Variants in STK3 observed in about 807,000 individuals in gnomAD.
STK3 encodes serine/threonine-protein kinase 3.
STK3 carries 41 observed loss-of-function variants against 58.0 expected under a neutral mutation model. That is an observed-to-expected ratio of 0.71 (90% CI 0.55 to 0.92). The LOEUF is 0.92. Ranked by LOEUF, STK3 falls within the 40% of genes least tolerant of loss-of-function variation. STK3 has a pLI of 0.00. For synonymous variants in STK3, 170 were observed against 191.0 expected, an observed-to-expected ratio of 0.89 and a Z score of 0.91; for missense variants, 479 against 602.7, an observed-to-expected ratio of 0.79 and a Z score of 2.15.
intron 1 of STK3, among the ~76,000 whole-genome samples, chr8:98,927,517 GC>G (rs1839846335): frequency 6.6e-6 from 1 of 152,194 alleles, no homozygotes; most frequent in African/African-American, 2.4e-5. Context: ...CTTACCCTGT[GC>G]TGGGAACAGT....
At chr8:98,862,539 A>C (rs972606583) in intron 3 of STK3, among the ~76,000 whole-genome samples, 2 of 152,248 alleles carry the variant, frequency 1.3e-5, no homozygotes, top group African/African-American at 2.4e-5. Context: ...GTCTAGGTTC[A>C]CATCAATTGT....
upstream of STK3, among the ~76,000 whole-genome samples, chr8:98,829,266 C>G (rs183489100): frequency 1.3e-5 from 2 of 152,296 alleles, no homozygotes; most frequent in Admixed American, 6.5e-5. Flanking sequence ...AGTATCATGG[C>G]TGCTCTGCTA....
intron 9 of STK3, among the ~76,000 whole-genome samples, chr8:98,542,983 A>G (rs1029029060): frequency 1.3e-5 from 2 of 152,212 alleles, no homozygotes; most frequent in East Asian, 1.9e-4. Flanking sequence ...TATCAAAAAT[A>G]CAGTGGGAAA....
chr8:98,820,860 C>T (rs1020871647), intron 1 of STK3, among the ~76,000 whole-genome samples: 1 of 152,114 alleles, frequency 6.6e-6, no homozygotes. Context: ...CGCCTGCAGT[C>T]CCAGCTACTC....
chr8:98,532,939 A>AT (rs1383396262), intron 9 of STK3, among the ~76,000 whole-genome samples: 2 of 151,998 alleles, frequency 1.3e-5, no homozygotes, highest in East Asian at 1.9e-4. Context: ...TTAAAGTGGT[A>AT]TTTTTTTGTT....
At chr8:98,699,381 C>A (rs1338681707) in intron 6 of STK3, among the ~76,000 whole-genome samples, 1 of 152,242 alleles carries the variant, frequency 6.6e-6, no homozygotes, top group African/African-American at 2.4e-5. Flanking sequence ...CATTCTCCGT[C>A]CAGCTTTGTT....
At chr8:98,688,346 C>G (rs911106810) in intron 6 of STK3, among the ~76,000 whole-genome samples, 1 of 152,158 alleles carries the variant, frequency 6.6e-6, no homozygotes, top group Non-Finnish European at 1.5e-5. Context: ...AACCCACTGA[C>G]AGCATTAGAC....
chr8:98,711,602 T>C (rs1377794977), intron 4 of STK3, among the ~76,000 whole-genome samples: 1 of 151,974 alleles, frequency 6.6e-6, no homozygotes, highest in East Asian at 1.9e-4. Context: ...TAAAAAGAAA[T>C]GAACAAAGCC....
At chr8:98,883,754 C>T (rs756505310) in exon 2 of STK3, 12 of 702,746 alleles carry the variant, frequency 1.7e-5, no homozygotes, top group East Asian at 5.4e-5. Context: ...TGAGTTGTAA[C>T]ATTTCCTCCA....
At chr8:98,497,436 A>T (rs1225185176) in intron 10 of STK3, among the ~76,000 whole-genome samples, 1 of 152,148 alleles carries the variant, frequency 6.6e-6, no homozygotes, top group Non-Finnish European at 1.5e-5. Context: ...AAAAAAAAGA[A>T]AAAAGGAAAC....
chr8:98,344,633 C>T, the STK3 span, among the ~76,000 whole-genome samples: 1 of 152,060 alleles, frequency 6.6e-6, no homozygotes, highest in Non-Finnish European at 1.5e-5. Flanking sequence ...GTGGCTCACG[C>T]CTGTAATCCC....
chr8:98,498,646 T>G (rs1244520060), intron 10 of STK3, among the ~76,000 whole-genome samples: 3 of 152,206 alleles, frequency 2.0e-5, no homozygotes, highest in African/African-American at 7.2e-5. Context: ...AAATATCCAA[T>G]AGTAAATTAT....
chr8:98,590,724 T>C (rs905531930), intron 7 of STK3, among the ~76,000 whole-genome samples: 1 of 152,228 alleles, frequency 6.6e-6, no homozygotes, highest in Non-Finnish European at 1.5e-5. Flanking sequence ...TTGGATTTTA[T>C]GTAAGTTTGT....
rs964884011 is a variant in STK3 at position 98,597,849 on chromosome 8, G to C, written c.685-1680C>G. 3 of 982,802 alleles carry C rather than the reference G, an allele frequency of 3.1e-6. No individual in the cohort carries two copies. In the African/African-American group the frequency reaches 5.3e-5, roughly 17 times the overall value. The allele number at this position is 982,802 out of a possible 1,614,324, so 60.9% of individuals were successfully genotyped here. A position where few individuals can be genotyped will look rare whatever the true frequency, so the allele number is the denominator to read the frequency against. On this transcript the variant is annotated intron_variant, in intron 6 of 10. Transcript: ENST00000419617. ...AAAAAAAAAAAAACACATATGAAAC[G>C]AATAGCAAACAACTGAGTGCCAGAC...
chr8:98,655,252 T>C (rs745975064), intron 6 of STK3, among the ~76,000 whole-genome samples: 7 of 152,146 alleles, frequency 4.6e-5, no homozygotes, highest in Non-Finnish European at 8.8e-5. Flanking sequence ...CCCTATTTAA[T>C]AAACGGTGCT....
chr8:98,889,100 CA>C (rs1838102915), intron 1 of STK3, among the ~76,000 whole-genome samples: 1 of 152,132 alleles, frequency 6.6e-6, no homozygotes, highest in Non-Finnish European at 1.5e-5. Flanking sequence ...CAAATTACAT[CA>C]AAACAAGTCA....
At chr8:98,858,289 C>CGT (rs1587758788) in intron 3 of STK3, among the ~76,000 whole-genome samples, 4 of 34,948 alleles carry the variant, frequency 1.1e-4, no homozygotes, top group East Asian at 1.0e-3. Flanking sequence ...TACATACATA[C>CGT]GTATATATAT....
chr8:98,651,523 T>G (rs1415671499), intron 6 of STK3: 1 of 152,270 alleles, frequency 6.6e-6, no homozygotes. Context: ...GAAGAAGGCT[T>G]CAGACGATCA....
At chr8:98,499,800 G>T (rs1319992219) in intron 10 of STK3, among the ~76,000 whole-genome samples, 1 of 152,196 alleles carries the variant, frequency 6.6e-6, no homozygotes, top group Non-Finnish European at 1.5e-5. Flanking sequence ...GATGAACTTA[G>T]ATTTAGATGA....
Sources: allele counts gnomAD v4.1 joint callset (sites outside exome capture counted in the v4.1 genomes callset), GRCh38; gene constraint gnomAD v4.1.1; transcripts MANE v1.5; gene names NCBI Gene and HGNC (gene_info 2026-07-23, HGNC 2026-07-21).